CCDC7: variants seen among roughly 807,000 people sequenced by gnomAD.
CCDC7 encodes the protein coiled-coil domain containing 7.
A neutral mutation model predicts 196.9 loss-of-function variants in CCDC7; 183 were observed. The observed-to-expected ratio is 0.93, with a 90% CI of 0.82 to 1.05. CCDC7 has a LOEUF of 1.05. Ranked by LOEUF, CCDC7 falls within the 50% of genes least tolerant of loss-of-function variation. CCDC7 has a pLI of 0.00. For missense variants in CCDC7, 1,540 were observed against 1,482.2 expected, an observed-to-expected ratio of 1.04 and a Z score of -0.64; for synonymous variants, 525 against 484.6, an observed-to-expected ratio of 1.08 and a Z score of -1.10.
At chr10:32,795,902 C>T (rs2083473992) in intron 29 of CCDC7, among the ~76,000 whole-genome samples, 1 of 152,104 alleles carries the variant, frequency 6.6e-6, no homozygotes, top group African/African-American at 2.4e-5. Context: ...GAATATACCT[C>T]CTACACAATA....
exon 17 of CCDC7, chr10:32,583,244 T>C (rs1314677265): frequency 3.2e-6 from 4 of 1,231,296 alleles, no homozygotes; most frequent in Non-Finnish European, 4.1e-6. Context: ...GAACATTGGC[T>C]CAAAAAAACG....
intron 31 of CCDC7, among the ~76,000 whole-genome samples, chr10:32,819,475 A>G (rs984528221): frequency 1.1e-4 from 16 of 152,338 alleles, no homozygotes; most frequent in Non-Finnish European, 2.4e-4. Context: ...TGAGGTCAGC[A>G]TCATCCTGAT....
chr10:32,565,987 G>C (rs2056724583), intron 14 of CCDC7, among the ~76,000 whole-genome samples: 1 of 151,990 alleles, frequency 6.6e-6, no homozygotes, highest in South Asian at 2.1e-4. Flanking sequence ...AAACTCAGTT[G>C]AACCAAGATG....
intron 41 of CCDC7, among the ~76,000 whole-genome samples, chr10:32,863,285 G>T (rs573592831): frequency 6.6e-6 from 1 of 152,142 alleles, no homozygotes; most frequent in East Asian, 1.9e-4. Context: ...AACTCATATG[G>T]TAATGGCACA....
At chr10:32,876,371 C>T in exon 42 of CCDC7, 1 of 1,611,012 alleles carries the variant, frequency 6.2e-7, no homozygotes, top group Non-Finnish European at 8.5e-7. Flanking sequence ...GCCCGAAAAT[C>T]TGTACCACAC....
chr10:32,783,689 T>G lies in CCDC7; in HGVS notation c.3013+4605T>G, dbSNP rs555039495. Among the ~76,000 whole-genome samples the G allele has an allele frequency of 3.3e-5, 5 of 152,322 alleles. No homozygotes were observed. In the East Asian group the frequency reaches 9.6e-4, roughly 29 times the overall value. On this transcript the variant is annotated intron_variant, in intron 29 of 41. Transcript: ENST00000639629. ...CAAAAGAATTGAAAACAGGTACTTG[T>G]GCACCAGCATTTATAACAGCATTAT... is the stretch of plus-strand genomic sequence containing the variant.
rs1295529644 is a variant in CCDC7, at chr10:32,681,778, C to CAT, written c.2123-4191_2123-4190insTA. On this transcript the variant is annotated intron_variant, in intron 21 of 41. Coordinates refer to ENST00000639629, the Ensembl canonical transcript of CCDC7. ...ACACACACACACACACACACACACA[C>CAT]ACACACAGCTTCATACACACATCTG... Among the ~76,000 whole-genome samples, 5 of 145,068 alleles carry CAT rather than the reference C, an allele frequency of 3.4e-5. No individual in the cohort carries two copies. The Admixed American group carries it at 3.5e-4, about 10-fold the overall frequency.
At chr10:32,518,464 T>C (rs755612091) in exon 11 of CCDC7, 4 of 1,607,074 alleles carry the variant, frequency 2.5e-6, no homozygotes, top group Non-Finnish European at 3.4e-6. Flanking sequence ...AGAAGAGAAG[T>C]TGGTGCTGGA....
intron 13 of CCDC7, among the ~76,000 whole-genome samples, chr10:32,561,323 C>G (rs1026385244): frequency 1.3e-5 from 2 of 152,162 alleles, no homozygotes; most frequent in African/African-American, 4.8e-5. Flanking sequence ...ACAGAACTCT[C>G]CACCCCAAAT....
chr10:32,711,738 T>C lies in CCDC7; in HGVS notation c.2569+8T>C, dbSNP rs1565248717. On this transcript the variant is annotated splice_region_variant and intron_variant, in intron 25 of 41. Transcript: ENST00000639629. Reference sequence around the variant, plus strand: ...AAGGAGAAGGACGTAGCAGTAAGTATAATGATGATAGCTATTTTATATTAT... The same window carrying C: ...AAGGAGAAGGACGTAGCAGTAAGTACAATGATGATAGCTATTTTATATTAT... The C allele has an allele frequency of 6.9e-7, 1 of 1,439,316 alleles. No individual in the cohort carries two copies. Among genetic ancestry groups the C allele is most frequent in the South Asian group, 1.3e-5 (1 of 78,286 alleles). The allele number at this position is 1,439,316 out of a possible 1,614,324, so 89.2% of individuals were successfully genotyped here.
intron 18 of CCDC7, among the ~76,000 whole-genome samples, chr10:32,610,953 G>A (rs957488499): frequency 6.6e-6 from 1 of 152,142 alleles, no homozygotes; most frequent in South Asian, 2.1e-4. Context: ...TGGGATTGCT[G>A]GGTCAAATGG....
intron 18 of CCDC7, among the ~76,000 whole-genome samples, chr10:32,629,881 C>T (rs182466115): frequency 3.7e-4 from 57 of 152,270 alleles, no homozygotes; most frequent in African/African-American, 1.2e-3. Context: ...AGGAAGAAAG[C>T]GCTAGAGTGC....
At position 32,453,438 on chromosome 10, in the gene CCDC7, T is replaced by C. The variant is rs2033594235; in HGVS notation, c.372+2T>C. ...GAACATGAAGAATTATCTTTATCTG[T>C]AAGTATATGCAACCCTAATATAGAG... On this transcript the variant is annotated splice_donor_variant, in intron 2 of 41. Coordinates refer to ENST00000639629, the Ensembl canonical transcript of CCDC7. LOFTEE classifies it high-confidence loss of function. 1.3e-6 allele frequency: 2 copies of C among 1,521,604 alleles called. No individual in the cohort carries two copies. The highest frequency in any genetic ancestry group is 1.8e-6 in the Non-Finnish European group (2 of 1,134,656). The allele number at this position is 1,521,604 out of a possible 1,614,324, so 94.3% of individuals were successfully genotyped here.
At chr10:32,670,111 T>C (rs1268356880) in intron 21 of CCDC7, among the ~76,000 whole-genome samples, 2 of 152,136 alleles carry the variant, frequency 1.3e-5, no homozygotes, top group African/African-American at 2.4e-5. Flanking sequence ...GGTTCTTTCC[T>C]CTTAGAGACC....
intron 41 of CCDC7, among the ~76,000 whole-genome samples, chr10:32,861,119 A>AAAG (rs1256321222): frequency 2.0e-5 from 3 of 146,718 alleles, no homozygotes; most frequent in Non-Finnish European, 4.5e-5. Context: ...CATAAGCAAA[A>AAAG]AAAAAAAAAA....
intron 29 of CCDC7, among the ~76,000 whole-genome samples, chr10:32,791,439 A>G (rs113752326): frequency 6.6e-6 from 1 of 151,860 alleles, no homozygotes; most frequent in Non-Finnish European, 1.5e-5. Flanking sequence ...GTAACTCACT[A>G]AGATATAAGA....
At position 32,778,985 on chromosome 10, in the gene CCDC7, G is replaced by T; in HGVS notation, c.2914G>T (p.Glu972Ter). 1.3e-6 allele frequency: 2 copies of T among 1,548,912 alleles called. No individual in the cohort carries two copies. Among genetic ancestry groups the T allele is most frequent in the East Asian group, 4.9e-5 (2 of 40,856 alleles). The change falls in exon 29 of 42, where the codon GAA (glutamate) becomes TAA (stop). Residue 972 changes from glutamate to a stop codon, truncating the protein, a stop_gained. Coordinates refer to ENST00000639629, the Ensembl canonical transcript of CCDC7. LOFTEE classifies it high-confidence loss of function. ...ATCTGTTATTCTTACAGTTAAAAAT[G>T]AAGCAGCCTCAGAACTTCCAGATAC... is the stretch of plus-strand genomic sequence containing the variant.
chr10:32,643,137 G>A (rs536827638), intron 20 of CCDC7, among the ~76,000 whole-genome samples: 1 of 152,016 alleles, frequency 6.6e-6, no homozygotes, highest in Non-Finnish European at 1.5e-5. Flanking sequence ...TATTATTTTG[G>A]ATTTATCTAT....
chr10:32,784,600 T>A (rs984811140), intron 29 of CCDC7, among the ~76,000 whole-genome samples: 1 of 152,138 alleles, frequency 6.6e-6, no homozygotes. Flanking sequence ...TGAGACGAAG[T>A]CTCGCTCTGT....
Sources: gnomAD v4.1 joint callset for allele counts (sites outside exome capture counted in the v4.1 genomes callset) on GRCh38, gnomAD v4.1.1 for gene constraint, MANE v1.5 for transcripts, NCBI Gene and HGNC (gene_info 2026-07-23, HGNC 2026-07-21) for gene names.